FBXW8: variants seen among roughly 807,000 people sequenced by gnomAD.
FBXW8 encodes F-box/WD repeat-containing protein 8.
Under a neutral mutation model 65.3 loss-of-function variants are expected in FBXW8, and 57 were observed. That is an observed-to-expected ratio of 0.87 (90% confidence interval 0.71 to 1.09). FBXW8 has a LOEUF of 1.09. FBXW8 is among the 50% of genes least tolerant of loss of function. The pLI is 0.00. For synonymous variants in FBXW8, 308 were observed against 330.2 expected, an observed-to-expected ratio of 0.93 and a Z score of 0.73; for missense variants, 777 against 814.8, an observed-to-expected ratio of 0.95 and a Z score of 0.57.
At chr12:116,983,567 A>G (rs534265847) in intron 5 of FBXW8, among the ~76,000 whole-genome samples, 2 of 152,350 alleles carry the variant, frequency 1.3e-5, no homozygotes, top group African/African-American at 4.8e-5. Flanking sequence ...GATCCTTTAT[A>G]GTAAGATCCT....
At chr12:116,939,929 T>C (rs1477690329) in intron 2 of FBXW8, among the ~76,000 whole-genome samples, 1 of 152,162 alleles carries the variant, frequency 6.6e-6, no homozygotes, top group African/African-American at 2.4e-5. Flanking sequence ...AGCATCTGGG[T>C]GTCATGGGTA....
intron 4 of FBXW8, among the ~76,000 whole-genome samples, chr12:116,953,395 T>C (rs545519304): frequency 6.6e-6 from 1 of 152,338 alleles, no homozygotes; most frequent in South Asian, 2.1e-4. Context: ...GGCTGCCGTT[T>C]CCAGCCCTCA....
At chr12:116,946,228 A>G (rs1203473160) in intron 3 of FBXW8, among the ~76,000 whole-genome samples, 1 of 152,206 alleles carries the variant, frequency 6.6e-6, no homozygotes, top group East Asian at 1.9e-4. Context: ...GTCAATCCTA[A>G]TAGACTTTGA....
At chr12:116,938,645 A>G (rs1593060494) in intron 2 of FBXW8, among the ~76,000 whole-genome samples, 1 of 152,196 alleles carries the variant, frequency 6.6e-6, no homozygotes, top group South Asian at 2.1e-4. Context: ...AAAGTGGTTG[A>G]GATTTGCACA....
At position 116,988,739 on chromosome 12, in the gene FBXW8, T is replaced by C; in HGVS notation, c.1109T>C (p.Leu370Pro). 6.2e-7 allele frequency: 1 copy of C among 1,614,178 alleles called. No individual in the cohort carries two copies. The highest frequency in any genetic ancestry group is 8.5e-7 in the Non-Finnish European group (1 of 1,180,038). Residue 370 changes from leucine to proline, a missense_variant, in exon 7 of 11, where the codon CTG becomes CCG. Transcript: ENST00000652555. ...AVAAAGDLMY[L>P]LKAEDSARTL... is the part of the protein sequence containing the mutation. Reference sequence around the variant, plus strand: ...GCCGCTGCTGGAGATCTGATGTACCTGCTCAAAGCCGAAGACTCCGCCAGA... The same window carrying C: ...GCCGCTGCTGGAGATCTGATGTACCCGCTCAAAGCCGAAGACTCCGCCAGA...
intron 4 of FBXW8, among the ~76,000 whole-genome samples, chr12:116,954,448 A>G (rs1883509071): frequency 6.6e-6 from 1 of 152,166 alleles, no homozygotes; most frequent in Non-Finnish European, 1.5e-5. Context: ...CTAATAGTGG[A>G]CATTAAGGTC....
intron 4 of FBXW8, among the ~76,000 whole-genome samples, chr12:116,964,017 C>CGA (rs1377228252): frequency 6.6e-6 from 1 of 152,178 alleles, no homozygotes; most frequent in Non-Finnish European, 1.5e-5. Context: ...TCGGCCTGGC[C>CGA]TGGCTTTGAT....
intron 5 of FBXW8, among the ~76,000 whole-genome samples, chr12:116,984,006 T>C (rs1005707261): frequency 3.3e-5 from 5 of 152,172 alleles, no homozygotes; most frequent in South Asian, 2.1e-4. Context: ...CAAACTGTTA[T>C]CTCCACACAT....
chr12:116,992,589 A>G (rs978297707), intron 7 of FBXW8, among the ~76,000 whole-genome samples: 8 of 152,080 alleles, frequency 5.3e-5, no homozygotes, highest in Non-Finnish European at 7.4e-5. Flanking sequence ...GGGTCCTCCA[A>G]TACCACTCTG....
At chr12:116,998,553 A>T (rs1012996569) in intron 7 of FBXW8, among the ~76,000 whole-genome samples, 2 of 152,236 alleles carry the variant, frequency 1.3e-5, no homozygotes, top group African/African-American at 2.4e-5. Flanking sequence ...GAATGAACTT[A>T]GCGCTAACTC....
chr12:116,918,920 T>G (rs1880653030), intron 1 of FBXW8, among the ~76,000 whole-genome samples: 1 of 152,146 alleles, frequency 6.6e-6, no homozygotes, highest in Non-Finnish European at 1.5e-5. Flanking sequence ...AGACCCCCGG[T>G]GGGTGCTTGA....
At chr12:116,912,642 T>G (rs1880079135) in intron 1 of FBXW8, among the ~76,000 whole-genome samples, 1 of 151,782 alleles carries the variant, frequency 6.6e-6, no homozygotes, top group Admixed American at 6.6e-5. Context: ...TTTTTGTATT[T>G]TTAGTAGAGA....
chr12:116,961,094 C>G lies in FBXW8; in HGVS notation c.678-3603C>G, dbSNP rs564673641. Among the ~76,000 whole-genome samples, 1 of 152,192 alleles carries G rather than the reference C, an allele frequency of 6.6e-6. No individual in the cohort carries two copies. Among genetic ancestry groups the G allele is most frequent in the Non-Finnish European group, 1.5e-5 (1 of 68,024 alleles). On this transcript the variant is annotated intron_variant, in intron 4 of 10. Coordinates refer to ENST00000652555, the MANE Select transcript of FBXW8 (RefSeq NM_153348.3). This position sits in a 1 kb window ranked among gnomAD's most constrained non-coding sequence, Gnocchi z 4.4. ...TCACTGCAACCTCCACCTCCCAGTT[C>G]AAGCGATTCTTCTGCCTCAGCCTCC...
intron 2 of FBXW8, among the ~76,000 whole-genome samples, chr12:116,933,662 C>T (rs774165583): frequency 2.6e-4 from 39 of 152,156 alleles, no homozygotes; most frequent in East Asian, 1.3e-3. Context: ...AACAGAACCC[C>T]GTTAGCGTAC....
At chr12:116,974,720 G>T (rs1884820833) in intron 5 of FBXW8, among the ~76,000 whole-genome samples, 1 of 152,146 alleles carries the variant, frequency 6.6e-6, no homozygotes, top group Admixed American at 6.6e-5. Context: ...ACTCCAGCCT[G>T]GGTGACAGAG....
At chr12:116,999,481 C>A (rs958029694) in intron 7 of FBXW8, among the ~76,000 whole-genome samples, 2 of 152,208 alleles carry the variant, frequency 1.3e-5, no homozygotes, top group Non-Finnish European at 2.9e-5. Flanking sequence ...CTCATGATCA[C>A]AAGTTTTAAA....
At position 116,939,784 on chromosome 12, in the gene FBXW8, G is replaced by A. The variant is rs1433801363; in HGVS notation, c.424-5580G>A. 3.3e-5 allele frequency among the ~76,000 whole-genome samples: 5 copies of A among 152,224 alleles called. No individual in the cohort carries two copies. In the East Asian group the frequency reaches 5.8e-4, roughly 18 times the overall value. ...TATTTAACCCTGAATTCCAGGGCTC[G>A]GTTAGGGGACATACTCTGCTCTGGG... On this transcript the variant is annotated intron_variant, in intron 2 of 10. Coordinates refer to ENST00000652555, the MANE Select transcript of FBXW8 (RefSeq NM_153348.3).
chr12:116,917,991 CAA>C (rs11451674), intron 1 of FBXW8, among the ~76,000 whole-genome samples: 1 of 118,176 alleles, frequency 8.5e-6, no homozygotes. Flanking sequence ...GACTCCACCT[CAA>C]AAAAAAAAAA....
At chr12:116,951,034 AT>A (rs1347811590) in intron 4 of FBXW8, 2 of 152,120 alleles carry the variant, frequency 1.3e-5, no homozygotes, top group Non-Finnish European at 2.9e-5. Flanking sequence ...CCAATTATGA[AT>A]TTCTTCTCTG....
Sources: gnomAD v4.1 joint callset for allele counts (sites outside exome capture counted in the v4.1 genomes callset) on GRCh38, gnomAD v4.1.1 for gene constraint, Gnocchi (gnomAD v3.1) non-coding constraint, MANE v1.5 for transcripts, NCBI Gene and HGNC (gene_info 2026-07-23, HGNC 2026-07-21) for gene names.